Variants in HSPA12A observed in about 807,000 individuals in gnomAD.
HSPA12A encodes heat shock 70 kDa protein 12A.
A neutral mutation model predicts 69.2 loss-of-function variants in HSPA12A; 28 were observed. The ratio of observed to expected loss-of-function variants is 0.40; its 90% CI spans 0.30 to 0.55. HSPA12A has a LOEUF of 0.55. Among genes scored for constraint, HSPA12A ranks in the 20% least tolerant of loss-of-function variants. The pLI is 0.38. For synonymous variants in HSPA12A, 345 were observed against 370.5 expected (o/e 0.93, Z 0.79); for missense variants, 686 against 900.7 (o/e 0.76, Z 3.05).
At chr10:116,812,021 C>G (rs1045665498) in intron 2 of HSPA12A, among the ~76,000 whole-genome samples, 3 of 152,194 alleles carry the variant, frequency 2.0e-5, no homozygotes, top group Non-Finnish European at 4.4e-5. Context: ...GGCCACTCGT[C>G]TTCTGGAACA....
chr10:116,807,123 G>A (rs1441420074), intron 2 of HSPA12A, among the ~76,000 whole-genome samples: 1 of 151,970 alleles, frequency 6.6e-6, no homozygotes. Flanking sequence ...ACCAGAACTG[G>A]AAGAGAGTAC....
Position 116,775,877 on chromosome 10 carries a change from T to C in HSPA12A, c.91+59058A>G, listed in dbSNP as rs535831781. ...CCTGCAGCTGGGGAGCTATGCCTTC[T>C]ACTGTGGTCCCCAGCCTGGCACAGA... On this transcript the variant is annotated intron_variant, in intron 2 of 12. Coordinates refer to the HSPA12A transcript ENST00000635765. Among the ~76,000 whole-genome samples the C allele has an allele frequency of 5.3e-5, 8 of 152,250 alleles. No individual in the cohort carries two copies. The South Asian group carries it at 1.7e-3, about 32-fold the overall frequency.
At chr10:116,737,110 G>C (rs963421254) in intron 1 of HSPA12A, among the ~76,000 whole-genome samples, 1 of 152,174 alleles carries the variant, frequency 6.6e-6, no homozygotes, top group Non-Finnish European at 1.5e-5. Context: ...TTACAGATGA[G>C]AAAAACTGAG....
chr10:116,758,199 T>C (rs747622296), intron 2 of HSPA12A, among the ~76,000 whole-genome samples: 22 of 152,230 alleles, frequency 1.4e-4, no homozygotes, highest in Non-Finnish European at 2.6e-4. Flanking sequence ...GGTACCTTGA[T>C]ACATGGATTT....
At chr10:116,725,567 A>G (rs1014841671) in intron 1 of HSPA12A, among the ~76,000 whole-genome samples, 13 of 152,158 alleles carry the variant, frequency 8.5e-5, no homozygotes, top group Non-Finnish European at 1.5e-4. Flanking sequence ...AAGGGGTCAC[A>G]AATTCTCTCC....
At chr10:116,774,751 C>T (rs137873948) in intron 2 of HSPA12A, among the ~76,000 whole-genome samples, 378 of 152,312 alleles carry the variant, frequency 2.5e-3, no homozygotes, top group African/African-American at 8.0e-3. Flanking sequence ...GAATAAGCTC[C>T]TCCCCCAGTC....
chr10:116,753,505 G>C (rs1843754665), intron 2 of HSPA12A, among the ~76,000 whole-genome samples: 1 of 152,172 alleles, frequency 6.6e-6, no homozygotes, highest in South Asian at 2.1e-4. Flanking sequence ...CCCATCTGTA[G>C]AATGAGGACA....
At chr10:116,707,323 A>C in intron 1 of HSPA12A, 38 bp from the exon 2 acceptor site, 1 of 1,497,934 alleles carries the variant, frequency 6.7e-7, no homozygotes, top group Non-Finnish European at 9.2e-7. Flanking sequence ...TAGAAGTGGC[A>C]TGGACTGACC....
intron 5 of HSPA12A, chr10:116,698,265 C>CGT (rs1352037403): frequency 1.6e-5 from 3 of 184,096 alleles, no homozygotes; most frequent in African/African-American, 7.0e-5. Context: ...TTCATGTATA[C>CGT]GTGTGTGTGG....
intron 1 of HSPA12A, among the ~76,000 whole-genome samples, chr10:116,725,185 G>C (rs782647466): frequency 2.0e-5 from 3 of 152,122 alleles, no homozygotes; most frequent in Non-Finnish European, 4.4e-5. Flanking sequence ...CCTCCTCCAG[G>C]GCCCAGGAGC....
At chr10:116,827,078 T>C (rs561855156) in intron 2 of HSPA12A, among the ~76,000 whole-genome samples, 1 of 152,312 alleles carries the variant, frequency 6.6e-6, no homozygotes, top group South Asian at 2.1e-4. Context: ...ACTGAATTAA[T>C]GAATGTGTGC....
intron 2 of HSPA12A, among the ~76,000 whole-genome samples, chr10:116,781,226 G>A (rs1554891766): frequency 2.0e-5 from 3 of 152,104 alleles, no homozygotes; most frequent in African/African-American, 7.2e-5. Context: ...CTTGAGCCCA[G>A]GAGGCCGAGG....
At chr10:116,799,464 C>A (rs1270212371) in intron 2 of HSPA12A, among the ~76,000 whole-genome samples, 1 of 152,210 alleles carries the variant, frequency 6.6e-6, no homozygotes, top group Non-Finnish European at 1.5e-5. Flanking sequence ...CAAACACACA[C>A]ACGCACACAC....
chr10:116,689,604 TACAGACAC>T (rs1248718635), intron 6 of HSPA12A, among the ~76,000 whole-genome samples: 2 of 139,632 alleles, frequency 1.4e-5, no homozygotes. Flanking sequence ...CAGTAGGGCA[TACAGACAC>T]ACAGACAGAC....
chr10:116,841,002 G>A (rs1185627461), intron 1 of HSPA12A, among the ~76,000 whole-genome samples: 3 of 152,142 alleles, frequency 2.0e-5, no homozygotes, highest in Admixed American at 1.3e-4. Flanking sequence ...AGTTACTCAC[G>A]CTGCTTCCCT....
At chr10:116,693,246 T>C (rs1373485947) in intron 5 of HSPA12A, among the ~76,000 whole-genome samples, 5 of 152,152 alleles carry the variant, frequency 3.3e-5, no homozygotes, top group African/African-American at 1.2e-4. Flanking sequence ...TATGACCTCA[T>C]CAAGAACCAT....
intron 2 of HSPA12A, among the ~76,000 whole-genome samples, chr10:116,824,633 T>C (rs1217420636): frequency 1.3e-5 from 2 of 152,074 alleles, no homozygotes; most frequent in African/African-American, 4.8e-5. Flanking sequence ...TAGTGTTTTG[T>C]TTGTTTGTTT....
intron 1 of HSPA12A, among the ~76,000 whole-genome samples, chr10:116,846,381 G>A (rs933759039): frequency 1.4e-5 from 2 of 145,560 alleles, no homozygotes; most frequent in South Asian, 2.2e-4. Flanking sequence ...GCAGAGTCTC[G>A]CTCTGTCACC....
intron 6 of HSPA12A, among the ~76,000 whole-genome samples, chr10:116,687,384 A>G (rs1456935954): frequency 6.6e-6 from 1 of 152,042 alleles, no homozygotes; most frequent in Non-Finnish European, 1.5e-5. Flanking sequence ...AAGTAACCAC[A>G]CTTCTTTGCT....
Sources: gnomAD v4.1 joint callset for allele counts (sites outside exome capture counted in the v4.1 genomes callset) on GRCh38, gnomAD v4.1.1 for gene constraint, MANE v1.5 for transcripts, NCBI Gene and HGNC (gene_info 2026-07-23, HGNC 2026-07-21) for gene names.